The following ADA2 variants were observed in gnomAD, a reference collection of about 807,000 sequenced individuals.
ADA2 encodes adenosine deaminase CECR1.
In ADA2, 29 loss-of-function variants were observed where a neutral mutation model predicts 44.2. That is an observed-to-expected ratio of 0.66 (90% CI 0.49 to 0.89). ADA2 has a LOEUF of 0.89. Ranked by LOEUF, ADA2 falls within the 40% of genes least tolerant of loss-of-function variation. The pLI is 0.00. For missense variants in ADA2, 637 were observed against 644.8 expected, an observed-to-expected ratio of 0.99 and a Z score of 0.13; for synonymous variants, 215 against 234.9, an observed-to-expected ratio of 0.92 and a Z score of 0.77.
chr22:17,203,609 T>C lies in ADA2; in HGVS notation c.707A>G (p.Tyr236Cys), dbSNP rs145966045. 79 of 1,613,416 alleles carry C rather than the reference T, an allele frequency of 4.9e-5. No homozygotes were observed. Among genetic ancestry groups the C allele is most frequent in the Non-Finnish European group, 6.6e-5 (78 of 1,180,016 alleles). Residue 236 changes from tyrosine (Y) to cysteine (C), a missense_variant, in exon 4 of 10, where the codon TAC (tyrosine) becomes TGC (cysteine). Transcript: ENST00000399837. ...CTCCATGTAGAGCACGTTGTCCTCG[T>C]AGAACTCCTGCATGCTCCGGAAGAC... Reference protein sequence around the residue: ...DYVFRSMQEFYEDNVLYMEIR... With the variant: ...DYVFRSMQEFCEDNVLYMEIR...
chr22:17,199,985 G>T (rs1412251784), intron 4 of ADA2, among the ~76,000 whole-genome samples: 3 of 152,050 alleles, frequency 2.0e-5, no homozygotes, highest in Non-Finnish European at 4.4e-5. Flanking sequence ...ACTTGAGGTC[G>T]TGAGTTCGAA....
chr22:17,182,504 G>A (rs2061983726), intron 8 of ADA2, 100 bp downstream of exon 8: 3 of 1,181,558 alleles, frequency 2.5e-6, no homozygotes, highest in Non-Finnish European at 3.7e-6. Context: ...TAGGTAACAA[G>A]AGAGTTAAGG....
chr22:17,199,857 T>C (rs2062253489), intron 4 of ADA2: 1 of 908,806 alleles, frequency 1.1e-6, no homozygotes, highest in Non-Finnish European at 1.5e-6. Flanking sequence ...CGTGGGTGTA[T>C]TTGCCTGAGC....
chr22:17,219,278 G>A (rs1049854981), intron 1 of ADA2, 78 bp downstream of exon 1: 19 of 152,418 alleles, frequency 1.2e-4, no homozygotes, highest in East Asian at 9.6e-4. Context: ...AGGTGCAGGT[G>A]GATCAAGCCC....
Position 17,181,943 on chromosome 22 carries a change from G to C in ADA2, c.1319C>G (p.Ser440Cys). The C allele has an allele frequency of 6.2e-7, 1 of 1,614,210 alleles. No individual in the cohort carries two copies. The highest frequency in any genetic ancestry group is 8.5e-7 in the Non-Finnish European group (1 of 1,180,028). Residue 440 changes from serine to cysteine, a missense_variant, in exon 9 of 10, where the codon TCT becomes TGT. Transcript: ENST00000399837. ...GGCACCAAACATAGCTGGGTCATCA[G>C]AGCTGATCACCATGGGGTGCCCAGT... ...MATGHPMVIS[S>C]DDPAMFGAKG...
At chr22:17,210,192 A>ATT (rs35411316) in intron 1 of ADA2, among the ~76,000 whole-genome samples, 2 of 134,742 alleles carry the variant, frequency 1.5e-5, no homozygotes, top group African/African-American at 5.5e-5. Flanking sequence ...ACCACCTGGC[A>ATT]TTTTTTTTTT....
intron 4 of ADA2, among the ~76,000 whole-genome samples, chr22:17,202,123 C>G (rs1054562917): frequency 4.0e-5 from 6 of 150,550 alleles, no homozygotes; most frequent in Admixed American, 1.3e-4. Flanking sequence ...GTGCGCACCA[C>G]CATGCCAGCT....
intron 3 of ADA2, 67 bp downstream of exon 3, chr22:17,207,004 G>C (rs1218012658): frequency 8.2e-7 from 1 of 1,220,366 alleles, no homozygotes; most frequent in Non-Finnish European, 1.2e-6. Context: ...TTTGTACCAA[G>C]GGAGACACCT....
In ADA2 at chr22:17,190,039, G is replaced by T; in HGVS notation, c.882-7C>A. 6.2e-7 allele frequency: 1 copy of T among 1,606,134 alleles called. No homozygotes were observed. Among genetic ancestry groups the T allele is most frequent in the Non-Finnish European group, 8.5e-7 (1 of 1,172,818 alleles). On this transcript the variant is annotated splice_region_variant and splice_polypyrimidine_tract_variant and intron_variant, in intron 5 of 9. Transcript: ENST00000399837. ...GACAGCCACATCTTTGGATCTGTGA[G>T]ACAGACAGAGAAGCCAGGAGACAGT...
chr22:17,181,877 A>G lies in ADA2; in HGVS notation c.1385T>C (p.Ile462Thr), dbSNP rs61744537. Residue 462 changes from isoleucine (I) to threonine (T), a missense_variant, in exon 9 of 10, where the codon ATT becomes ACT. Transcript: ENST00000399837. ...CCTCAGGTCAGCCTTCATCCCCCCA[A>G]TGCCCATGAAGACCTCATAGAAATC... ...SYDFYEVFMG[I>T]GGMKADLRTL... is the part of the protein sequence containing the mutation. 143 of 1,614,098 alleles carry G rather than the reference A, an allele frequency of 8.9e-5. No individual in the cohort carries two copies. The African/African-American group carries it at 1.6e-3, about 18-fold the overall frequency.
rs73876662 is a variant in ADA2, at chr22:17,203,362, G to A, written c.753+201C>T. ...GAAACAGGGGGGCAAAGGGCAGCAC[G>A]GAATGTGTTCCCAGTTTTGCTGGAG... is the stretch of plus-strand genomic sequence containing the variant. On this transcript the variant is annotated intron_variant, in intron 4 of 9. Coordinates refer to ENST00000399837, the MANE Select transcript of ADA2 (RefSeq NM_001282225.2). Among the ~76,000 whole-genome samples the A allele has an allele frequency of 6.4e-3, 973 of 152,222 alleles. 13 individuals carry two copies. The highest frequency in any genetic ancestry group is 0.022 in the African/African-American group (929 of 41,536).
intron 7 of ADA2, among the ~76,000 whole-genome samples, chr22:17,184,983 A>AAAATATATATATATATATATATAT (rs2062018787): frequency 1.3e-5 from 1 of 78,718 alleles, no homozygotes; most frequent in Admixed American, 1.1e-4. Flanking sequence ...CCCATGTCAA[A>AAAATATATATATATATATATATAT]ATATATATAT....
rs1226756070 is a variant in ADA2 at position 17,209,380 on chromosome 22, T to A, written c.298A>T (p.Asn100Tyr). 1.2e-6 allele frequency: 2 copies of A among 1,613,978 alleles called. No individual in the cohort carries two copies. The highest frequency in any genetic ancestry group is 8.5e-7 in the Non-Finnish European group (1 of 1,180,004). Residue 100 changes from asparagine to tyrosine, a missense_variant, in exon 2 of 10, where the codon AAT (asparagine) becomes TAT (tyrosine). Transcript: ENST00000399837. ...KHLIERSQVFNILRMMPKGAA... is the reference protein window; with the variant it reads ...KHLIERSQVFYILRMMPKGAA... Reference sequence around the variant, plus strand: ...CCTTTTGGCATCATCCTTAGAATATTAAACACTTGACTTCTCTCAATGAGA... The same window carrying A: ...CCTTTTGGCATCATCCTTAGAATATAAAACACTTGACTTCTCTCAATGAGA...
At chr22:17,209,320 TC>T (rs1395415009) in intron 2 of ADA2, 35 bp downstream of exon 2, 8 of 1,570,308 alleles carry the variant, frequency 5.1e-6, no homozygotes, top group Non-Finnish European at 7.0e-6. Flanking sequence ...CCCTCTACCT[TC>T]CCAGCACCCC....
chr22:17,210,450 A>G (rs1463673206), intron 1 of ADA2, among the ~76,000 whole-genome samples: 1 of 152,086 alleles, frequency 6.6e-6, no homozygotes, highest in Non-Finnish European at 1.5e-5. Flanking sequence ...TCAGTCTCCC[A>G]AAGTGCTGGG....
chr22:17,209,605 C>A lies in ADA2; in HGVS notation c.73G>T (p.Gly25Cys), dbSNP rs373732727. ...GTTTCATCTATGGATAGAGCTGAGC[C>A]GAAGAAAGACATTGCCACAGCCAAC... ...LLLAVAMSFFGSALSIDETRA... is the reference protein window; with the variant it reads ...LLLAVAMSFFCSALSIDETRA... The change falls in exon 2 of 10, where the codon GGC becomes TGC. Residue 25 changes from glycine to cysteine, a missense_variant. Transcript: ENST00000399837. 1.1e-5 allele frequency: 17 copies of A among 1,613,916 alleles called. No individual in the cohort carries two copies. Among genetic ancestry groups the A allele is most frequent in the Admixed American group, 5.0e-5 (3 of 59,962 alleles).
intron 4 of ADA2, among the ~76,000 whole-genome samples, chr22:17,198,300 G>GT (rs1223564401): frequency 6.6e-6 from 1 of 152,146 alleles, no homozygotes; most frequent in Non-Finnish European, 1.5e-5. Flanking sequence ...TAGAAGCTTG[G>GT]TGTTTGTAAT....
chr22:17,191,455 T>C (rs556653935), intron 5 of ADA2, among the ~76,000 whole-genome samples: 27 of 152,330 alleles, frequency 1.8e-4, no homozygotes, highest in African/African-American at 6.0e-4. Flanking sequence ...CATTTCAGTT[T>C]GGGGGTGAAG....
intron 4 of ADA2, among the ~76,000 whole-genome samples, chr22:17,193,618 A>G (rs1189696054): frequency 6.6e-6 from 1 of 150,982 alleles, no homozygotes; most frequent in African/African-American, 2.4e-5. Context: ...CTGTGAGCCA[A>G]GATCGCGCCA....
Sources: gnomAD v4.1 joint callset for allele counts (sites outside exome capture counted in the v4.1 genomes callset) on GRCh38, gnomAD v4.1.1 for gene constraint, MANE v1.5 for transcripts, NCBI Gene and HGNC (gene_info 2026-07-23, HGNC 2026-07-21) for gene names.